The following CSMD1 variants were observed in gnomAD, a reference collection of about 807,000 sequenced individuals.
CSMD1 encodes CUB and sushi domain-containing protein 1.
Under a neutral mutation model 417.5 loss-of-function variants are expected in CSMD1, and 213 were observed. The ratio of observed to expected loss-of-function variants is 0.51; its 90% CI spans 0.46 to 0.57. The LOEUF (loss-of-function observed/expected upper bound fraction) is 0.57, where lower values mean the gene tolerates loss of function less well. CSMD1 is among the 20% of genes least tolerant of loss of function. The pLI is 0.00. For synonymous variants in CSMD1, 2,862 were observed against 1,736.8 expected, an observed-to-expected ratio of 1.65 and a Z score of -16.11; for missense variants, 6,923 against 4,529.7, an observed-to-expected ratio of 1.53 and a Z score of -15.17.
At chr8:3,014,862 G>A (rs755006412) in intron 52 of CSMD1, among the ~76,000 whole-genome samples, 1 of 151,978 alleles carries the variant, frequency 6.6e-6, no homozygotes, top group Non-Finnish European at 1.5e-5. Context: ...GTAGCAGTGA[G>A]CTGTTGTTGC....
chr8:4,550,738 A>C (rs1015477002), intron 2 of CSMD1, among the ~76,000 whole-genome samples: 2 of 152,132 alleles, frequency 1.3e-5, no homozygotes, highest in Admixed American at 1.3e-4. Context: ...TTTAAAATCA[A>C]TCTTAACAAC....
intron 25 of CSMD1, among the ~76,000 whole-genome samples, chr8:3,294,867 C>T (rs1378033479): frequency 6.6e-6 from 1 of 152,090 alleles, no homozygotes; most frequent in East Asian, 1.9e-4. Flanking sequence ...GTGAGATGTA[C>T]CCGGTACCTT....
At chr8:4,937,658 T>C (rs189137311) in intron 1 of CSMD1, among the ~76,000 whole-genome samples, 2 of 152,278 alleles carry the variant, frequency 1.3e-5, no homozygotes, top group East Asian at 1.9e-4. Flanking sequence ...ACATGAATTA[T>C]TTCACCTCAT....
At chr8:3,896,587 C>A (rs1807382496) in intron 5 of CSMD1, among the ~76,000 whole-genome samples, 1 of 151,956 alleles carries the variant, frequency 6.6e-6, no homozygotes, top group Admixed American at 6.6e-5. Context: ...TCTCGGCTCA[C>A]CGCAAGCTCT....
intron 2 of CSMD1, among the ~76,000 whole-genome samples, chr8:4,554,293 T>C (rs1797997705): frequency 1.3e-5 from 2 of 152,104 alleles, no homozygotes; most frequent in South Asian, 2.1e-4. Context: ...TGCGTCACGA[T>C]GCCCGGCTAA....
chr8:4,470,671 T>C (rs942968674), intron 2 of CSMD1, among the ~76,000 whole-genome samples: 2 of 152,192 alleles, frequency 1.3e-5, no homozygotes, highest in Admixed American at 6.5e-5. Flanking sequence ...CGGCCATTAG[T>C]GCTTTTTGAA....
intron 1 of CSMD1, among the ~76,000 whole-genome samples, chr8:4,867,897 C>T (rs1802510505): frequency 6.6e-6 from 1 of 152,022 alleles, no homozygotes; most frequent in Admixed American, 6.5e-5. Flanking sequence ...TGCCACAAGA[C>T]ACGGAGTTGA....
At position 4,649,425 on chromosome 8, in the gene CSMD1, G is replaced by C. The variant is rs536066850; in HGVS notation, c.86-11867C>G. 4.6e-5 allele frequency among the ~76,000 whole-genome samples: 7 copies of C among 152,268 alleles called. No homozygotes were observed. The South Asian group carries it at 1.2e-3, about 27-fold the overall frequency. ...GCATTATCATTCCTATTTTACTGAT[G>C]AGAAAAACTAAAGAGCTTGAGTGAT... On this transcript the variant is annotated intron_variant, in intron 1 of 69. Transcript: ENST00000635120.
chr8:4,486,206 T>C (rs1336128019), intron 2 of CSMD1, among the ~76,000 whole-genome samples: 7 of 17,240 alleles, frequency 4.1e-4, no homozygotes, highest in Admixed American at 2.6e-3. Context: ...TATACATACA[T>C]ATATATATAT....
intron 30 of CSMD1, among the ~76,000 whole-genome samples, chr8:3,212,411 C>A (rs973149696): frequency 3.3e-5 from 5 of 152,110 alleles, no homozygotes; most frequent in Admixed American, 1.3e-4. Flanking sequence ...TGCAGTGGAG[C>A]AATCTCGGCT....
At position 3,927,117 on chromosome 8, in the gene CSMD1, G is replaced by C. The variant is rs536534409; in HGVS notation, c.818+70786C>G. Among the ~76,000 whole-genome samples, 3 of 151,720 alleles carry C rather than the reference G, an allele frequency of 2.0e-5. 1 individual carries two copies. In the South Asian group the frequency reaches 6.3e-4, roughly 32 times the overall value. ...AGGTATTATTATCGTTTTTAACTGA[G>C]AATAATATAAATTATTATAAATAAA... On this transcript the variant is annotated intron_variant, in intron 5 of 69. Transcript: ENST00000635120.
At chr8:4,507,151 T>C (rs1802572249) in intron 2 of CSMD1, among the ~76,000 whole-genome samples, 1 of 152,186 alleles carries the variant, frequency 6.6e-6, no homozygotes, top group Non-Finnish European at 1.5e-5. Context: ...CATTCTTCCA[T>C]ATTTCTGAAA....
intron 5 of CSMD1, among the ~76,000 whole-genome samples, chr8:3,963,371 T>C (rs576787505): frequency 6.6e-6 from 1 of 152,300 alleles, no homozygotes; most frequent in South Asian, 2.1e-4. Context: ...CTTAGCAAGA[T>C]TTTCAGTAAT....
chr8:3,188,028 T>C, intron 35 of CSMD1, 63 bp from the exon 36 acceptor site: 1 of 1,179,964 alleles, frequency 8.5e-7, no homozygotes, highest in Non-Finnish European at 1.2e-6. Context: ...TCTAATTAGA[T>C]GGGGTTTTGG....
intron 12 of CSMD1, among the ~76,000 whole-genome samples, chr8:3,449,667 G>A (rs1815561707): frequency 6.6e-6 from 1 of 152,006 alleles, no homozygotes; most frequent in South Asian, 2.1e-4. Flanking sequence ...ACAGGTGACT[G>A]CAACCATGCC....
intron 1 of CSMD1, among the ~76,000 whole-genome samples, chr8:4,948,974 T>A (rs1036366995): frequency 2.0e-5 from 3 of 152,178 alleles, no homozygotes; most frequent in Non-Finnish European, 4.4e-5. Flanking sequence ...GCTGATATAA[T>A]TTATCACTTT....
chr8:3,868,087 A>C (rs575650081), intron 5 of CSMD1, among the ~76,000 whole-genome samples: 4 of 152,056 alleles, frequency 2.6e-5, no homozygotes, highest in Non-Finnish European at 5.9e-5. Flanking sequence ...CATGATGCTT[A>C]ATTCCTTGCA....
intron 26 of CSMD1, among the ~76,000 whole-genome samples, chr8:3,260,883 C>T (rs778702915): frequency 6.6e-6 from 1 of 152,098 alleles, no homozygotes; most frequent in Non-Finnish European, 1.5e-5. Flanking sequence ...GGAGAAAATG[C>T]TTGAAAGCCA....
chr8:3,776,134 A>G (rs1212689773), intron 5 of CSMD1, among the ~76,000 whole-genome samples: 1 of 151,928 alleles, frequency 6.6e-6, no homozygotes, highest in African/African-American at 2.4e-5. Flanking sequence ...TTACCTGCAC[A>G]CACTCTGCTC....
Sources: allele counts gnomAD v4.1 joint callset (sites outside exome capture counted in the v4.1 genomes callset), GRCh38; gene constraint gnomAD v4.1.1; transcripts MANE v1.5; gene names NCBI Gene and HGNC (gene_info 2026-07-23, HGNC 2026-07-21).